The following ZEB1 variants were observed in gnomAD, a reference collection of about 807,000 sequenced individuals.
The protein encoded by ZEB1 is zinc finger E-box binding homeobox 1, also known as zinc finger E-box-binding homeobox 1.
A neutral mutation model predicts 84.9 loss-of-function variants in ZEB1; 21 were observed. The ratio of observed to expected loss-of-function variants is 0.25; its 90% CI spans 0.18 to 0.36. ZEB1 has a LOEUF of 0.36. ZEB1 is among the 10% of genes least tolerant of loss of function. ZEB1 has a pLI of 1.00. For missense variants in ZEB1, 1,104 were observed against 1,330.2 expected, an observed-to-expected ratio of 0.83 and a Z score of 2.65; for synonymous variants, 420 against 471.1, an observed-to-expected ratio of 0.89 and a Z score of 1.41.
intron 2 of ZEB1, among the ~76,000 whole-genome samples, chr10:31,486,307 A>T (rs1244597195): frequency 6.6e-6 from 1 of 151,760 alleles, no homozygotes; most frequent in African/African-American, 2.4e-5. Flanking sequence ...GAAACTGCCA[A>T]ACTTTTCCAG....
At chr10:31,405,265 A>G (rs190466370) in intron 1 of ZEB1, among the ~76,000 whole-genome samples, 2,089 of 152,240 alleles carry the variant, frequency 0.014, 21 homozygotes, top group Non-Finnish European at 0.02. Context: ...TGGAGAGGGG[A>G]AAAAGGAGCT....
At chr10:31,323,603 C>T (rs1220117873) in intron 1 of ZEB1, among the ~76,000 whole-genome samples, 1 of 151,912 alleles carries the variant, frequency 6.6e-6, no homozygotes, top group Non-Finnish European at 1.5e-5. Flanking sequence ...TATAAGTTTG[C>T]TTTGAGATCT....
intron 6 of ZEB1, among the ~76,000 whole-genome samples, chr10:31,517,145 A>C (rs533126893): frequency 6.6e-5 from 10 of 152,198 alleles, no homozygotes; most frequent in Middle Eastern, 3.4e-3. Context: ...GAAGAGCTGA[A>C]TATCTTTTAG....
intron 1 of ZEB1, among the ~76,000 whole-genome samples, chr10:31,324,351 G>A (rs1198730349): frequency 1.3e-5 from 2 of 151,968 alleles, no homozygotes; most frequent in African/African-American, 4.8e-5. Context: ...TTTAAAATAA[G>A]AGCATAATGA....
chr10:31,370,278 C>A (rs115880390), intron 1 of ZEB1, among the ~76,000 whole-genome samples: 1 of 152,016 alleles, frequency 6.6e-6, no homozygotes, highest in African/African-American at 2.4e-5. Context: ...TACTTTGTTA[C>A]CCAATCCAAT....
intron 1 of ZEB1, among the ~76,000 whole-genome samples, chr10:31,368,150 CTTTA>C (rs917748453): frequency 6.6e-6 from 1 of 151,720 alleles, no homozygotes; most frequent in African/African-American, 2.4e-5. Context: ...CTCTCATGTA[CTTTA>C]TTTATTTATT....
At chr10:31,366,785 C>T (rs1284246371) in intron 1 of ZEB1, among the ~76,000 whole-genome samples, 7 of 152,142 alleles carry the variant, frequency 4.6e-5, no homozygotes, top group Admixed American at 4.6e-4. Context: ...TCGACCCTAA[C>T]TAAAATCTCT....
chr10:31,395,866 G>GT (rs2050621009), intron 1 of ZEB1, among the ~76,000 whole-genome samples: 1 of 152,178 alleles, frequency 6.6e-6, no homozygotes, highest in Non-Finnish European at 1.5e-5. Context: ...ATGCCAGCCA[G>GT]TTATGATTCA....
intron 4 of ZEB1, among the ~76,000 whole-genome samples, chr10:31,503,096 T>C (rs1225788368): frequency 1.3e-5 from 2 of 152,114 alleles, no homozygotes; most frequent in Non-Finnish European, 2.9e-5. Context: ...AAATACAAAA[T>C]TTAAAAATAT....
intron 1 of ZEB1, among the ~76,000 whole-genome samples, chr10:31,395,251 T>A (rs1257181284): frequency 6.6e-6 from 1 of 152,204 alleles, no homozygotes; most frequent in East Asian, 1.9e-4. Flanking sequence ...TCTTCACCTC[T>A]GAATCTCACG....
chr10:31,440,407 C>G (rs1202255111), intron 1 of ZEB1, among the ~76,000 whole-genome samples: 1 of 152,118 alleles, frequency 6.6e-6, no homozygotes, highest in Admixed American at 6.5e-5. Context: ...GGACGTATCT[C>G]AAAATAATAA....
intron 1 of ZEB1, chr10:31,363,711 T>C (rs2370494): frequency 6.6e-6 from 8 of 1,208,834 alleles, no homozygotes; most frequent in East Asian, 2.5e-5. Context: ...GTCCAAACAT[T>C]ATGGAGTTGT....
chr10:31,422,281 G>A (rs892888257), intron 1 of ZEB1, among the ~76,000 whole-genome samples: 1 of 152,170 alleles, frequency 6.6e-6, no homozygotes, highest in Admixed American at 6.6e-5. Flanking sequence ...TCACATTTGA[G>A]TGAAGTTCTG....
intron 1 of ZEB1, among the ~76,000 whole-genome samples, chr10:31,451,903 C>A (rs1564920160): frequency 6.6e-6 from 1 of 152,134 alleles, no homozygotes; most frequent in Non-Finnish European, 1.5e-5. Flanking sequence ...TAGTAACTTT[C>A]ATGTAATGAG....
At chr10:31,430,076 T>C (rs1301938870) in intron 1 of ZEB1, among the ~76,000 whole-genome samples, 3 of 152,204 alleles carry the variant, frequency 2.0e-5, no homozygotes, top group Non-Finnish European at 1.5e-5. Context: ...AGGATTGATA[T>C]AAGATTCTGA....
At chr10:31,503,518 G>A (rs1175168992) in intron 4 of ZEB1, among the ~76,000 whole-genome samples, 1 of 151,994 alleles carries the variant, frequency 6.6e-6, no homozygotes, top group Non-Finnish European at 1.5e-5. Flanking sequence ...ATTGTGAATA[G>A]TACTGTAATA....
At chr10:31,514,558 A>C in intron 5 of ZEB1, 45 bp from the exon 6 acceptor site, 1 of 1,548,430 alleles carries the variant, frequency 6.5e-7, no homozygotes, top group Non-Finnish European at 8.9e-7. Flanking sequence ...CTTTAGTCTA[A>C]AGATCTTTTG....
chr10:31,348,407 T>C (rs2133797819), intron 1 of ZEB1, among the ~76,000 whole-genome samples: 1 of 151,930 alleles, frequency 6.6e-6, no homozygotes, highest in Non-Finnish European at 1.5e-5. Flanking sequence ...CTACTAAAAA[T>C]ACAAAAATTA....
At chr10:31,382,006 C>CAAAAAAAAAAAAAAA (rs535534850) in intron 1 of ZEB1, among the ~76,000 whole-genome samples, 4 of 40,790 alleles carry the variant, frequency 9.8e-5, no homozygotes, top group African/African-American at 1.8e-4. Context: ...GAGACTGTCT[C>CAAAAAAAAAAAAAAA]AAAAAAAAAA....
Sources: gnomAD v4.1 joint callset for allele counts (sites outside exome capture counted in the v4.1 genomes callset) on GRCh38, gnomAD v4.1.1 for gene constraint, MANE v1.5 for transcripts, NCBI Gene and HGNC (gene_info 2026-07-23, HGNC 2026-07-21) for gene names.